Variants in ADK observed in about 807,000 individuals in gnomAD.
ADK encodes the protein adenosine kinase, also known as N6,N6-dimethyladenosine kinase.
Under a neutral mutation model 44.7 loss-of-function variants are expected in ADK, and 24 were observed. The observed-to-expected ratio is 0.54, with a 90% CI of 0.39 to 0.76. The LOEUF (loss-of-function observed/expected upper bound fraction) is 0.76, where lower values mean the gene tolerates loss of function less well. Ranked by LOEUF, ADK falls within the 30% of genes least tolerant of loss-of-function variation. The pLI, the probability that ADK is intolerant of heterozygous loss-of-function variation, is 0.00. For synonymous variants in ADK, 128 were observed against 142.6 expected (o/e 0.90, Z 0.73); for missense variants, 321 against 425.1 (o/e 0.76, Z 2.15).
chr10:74,249,870 A>T (rs1269310251), intron 3 of ADK, among the ~76,000 whole-genome samples: 3 of 152,306 alleles, frequency 2.0e-5, no homozygotes, highest in East Asian at 3.9e-4. Flanking sequence ...GTTTTATACT[A>T]TGTGTAAAGC....
chr10:74,277,868 A>G (rs1297642537), intron 3 of ADK, among the ~76,000 whole-genome samples: 4 of 152,164 alleles, frequency 2.6e-5, no homozygotes, highest in Non-Finnish European at 5.9e-5. Context: ...CCAGTACATG[A>G]CTACTTTTGT....
At chr10:74,489,725 G>C (rs1847406449) in intron 6 of ADK, among the ~76,000 whole-genome samples, 1 of 151,256 alleles carries the variant, frequency 6.6e-6, no homozygotes, top group South Asian at 2.1e-4. Flanking sequence ...CTCAACTTAA[G>C]TTCTGTACAA....
At chr10:74,459,945 ACTT>A (rs1321443531) in intron 6 of ADK, among the ~76,000 whole-genome samples, 1 of 152,020 alleles carries the variant, frequency 6.6e-6, no homozygotes, top group African/African-American at 2.4e-5. Context: ...GCCTGTGATC[ACTT>A]CTTTGTTTTT....
intron 1 of ADK, among the ~76,000 whole-genome samples, chr10:74,160,021 A>G (rs1197713206): frequency 6.6e-6 from 1 of 152,188 alleles, no homozygotes; most frequent in Non-Finnish European, 1.5e-5. Flanking sequence ...CCAAGCCAAA[A>G]TCTCATGAGT....
Position 74,396,959 on chromosome 10 carries a change from G to GA in ADK, c.447-1498dup, listed in dbSNP as rs79415702. On this transcript the variant is annotated intron_variant, in intron 5 of 10. Coordinates refer to ENST00000539909, the MANE Select transcript of ADK (RefSeq NM_006721.4). Reference sequence around the variant, plus strand: ...GGCAACAAGAACGAAACTTCATCTGGAAAAAAAAAAAAAAGAATACTTTTA... The same window carrying GA: ...GGCAACAAGAACGAAACTTCATCTGGAAAAAAAAAAAAAAAGAATACTTTTA... Among the ~76,000 whole-genome samples the GA allele has an allele frequency of 4.6e-3, 604 of 131,776 alleles. 4 individuals are homozygous for GA. Among genetic ancestry groups the GA allele is most frequent in the Admixed American group, 0.024 (316 of 13,140 alleles). The allele number at this position is 131,776 out of a possible 152,430, so 86.5% of individuals were successfully genotyped here.
chr10:74,173,292 A>G (rs912664754), intron 1 of ADK, among the ~76,000 whole-genome samples: 2 of 150,172 alleles, frequency 1.3e-5, no homozygotes, highest in Admixed American at 6.6e-5. Context: ...ATGGGGTTTC[A>G]CTGTGTTAGC....
chr10:74,429,463 A>AT (rs1411419936), intron 6 of ADK, among the ~76,000 whole-genome samples: 2 of 152,208 alleles, frequency 1.3e-5, no homozygotes, highest in African/African-American at 4.8e-5. Context: ...GGTTAGAATT[A>AT]TTTGCAGACA....
intron 2 of ADK, among the ~76,000 whole-genome samples, chr10:74,207,976 T>A (rs1843663801): frequency 6.6e-6 from 1 of 152,156 alleles, no homozygotes; most frequent in Non-Finnish European, 1.5e-5. Context: ...TTCCCATGCT[T>A]CTCTGCACCT....
intron 7 of ADK, among the ~76,000 whole-genome samples, chr10:74,567,026 C>G (rs1850695136): frequency 6.6e-6 from 1 of 152,046 alleles, no homozygotes; most frequent in South Asian, 2.1e-4. Context: ...TGTTATTAGC[C>G]TCTCATTTTT....
In ADK at chr10:74,706,074, A is replaced by C. The variant is rs532442294; in HGVS notation, c.965-2247A>C. 3.9e-5 allele frequency among the ~76,000 whole-genome samples: 6 copies of C among 152,248 alleles called. No individual in the cohort carries two copies. In the South Asian group the frequency reaches 1.2e-3, roughly 32 times the overall value. The stretch of plus-strand genomic sequence containing the variant: ...CTTAGCCAAGTGTGGTAACTTATAC[A>C]TGTAATCCCAGTGCTTTGGGAGGCC... On this transcript the variant is annotated intron_variant, in intron 10 of 10. Transcript: ENST00000539909.
At chr10:74,686,086 C>G (rs532445459) in intron 10 of ADK, among the ~76,000 whole-genome samples, 72 of 152,126 alleles carry the variant, frequency 4.7e-4, no homozygotes, top group Admixed American at 3.0e-3. Flanking sequence ...CTCAGCCTCC[C>G]GAGTAGCTGG....
intron 9 of ADK, among the ~76,000 whole-genome samples, chr10:74,629,040 T>C (rs1853320346): frequency 6.6e-6 from 1 of 152,020 alleles, no homozygotes; most frequent in Non-Finnish European, 1.5e-5. Flanking sequence ...TGCACCCTAC[T>C]CTTTTTTTTT....
At chr10:74,278,070 GA>G (rs1274168109) in intron 3 of ADK, among the ~76,000 whole-genome samples, 1 of 151,864 alleles carries the variant, frequency 6.6e-6, no homozygotes, top group Non-Finnish European at 1.5e-5. Flanking sequence ...AATCTACTGG[GA>G]GGGGTGGCGA....
At chr10:74,298,335 G>A (rs1839887199) in intron 3 of ADK, among the ~76,000 whole-genome samples, 1 of 152,182 alleles carries the variant, frequency 6.6e-6, no homozygotes, top group Non-Finnish European at 1.5e-5. Context: ...AGCAAAGCAA[G>A]GAGAGCTATT....
At position 74,456,666 on chromosome 10, in the gene ADK, CAAAAAAAA is replaced by C. The variant is rs71024510; in HGVS notation, c.555+58104_555+58111del. Among the ~76,000 whole-genome samples the C allele has an allele frequency of 3.0e-4, 19 of 63,108 alleles. 1 individual carries two copies. The highest frequency in any genetic ancestry group is 1.2e-3 in the African/African-American group (18 of 15,312). The allele number at this position is 63,108 out of a possible 152,430, so 41.4% of individuals were successfully genotyped here. ...TGGGCGACAGAGCGAGACTCCATCT[CAAAAAAAA>C]AAAAAAAAAAAAAAAACCTCACTGA... On this transcript the variant is annotated intron_variant, in intron 6 of 10. Coordinates refer to ENST00000539909, the MANE Select transcript of ADK (RefSeq NM_006721.4).
chr10:74,438,318 G>A (rs775446598), intron 6 of ADK, among the ~76,000 whole-genome samples: 3 of 150,710 alleles, frequency 2.0e-5, no homozygotes, highest in African/African-American at 4.9e-5. Context: ...TCCACCTCCC[G>A]AGTTCAAGCA....
chr10:74,456,743 T>C (rs185388598), intron 6 of ADK, among the ~76,000 whole-genome samples: 2 of 141,332 alleles, frequency 1.4e-5, no homozygotes, highest in Non-Finnish European at 3.1e-5. Context: ...AGGTAAATAA[T>C]GAAATTAAGA....
intron 4 of ADK, among the ~76,000 whole-genome samples, chr10:74,321,316 C>T (rs1375130304): frequency 6.6e-6 from 1 of 151,676 alleles, no homozygotes; most frequent in African/African-American, 2.4e-5. Context: ...CAGAGTCTTG[C>T]TCTGTCACCC....
chr10:74,552,694 C>A (rs1189698931), intron 7 of ADK, among the ~76,000 whole-genome samples: 2 of 151,000 alleles, frequency 1.3e-5, no homozygotes, highest in African/African-American at 2.4e-5. Flanking sequence ...ATGTATCTGA[C>A]AAATGATTGT....
Sources: allele counts gnomAD v4.1 joint callset (sites outside exome capture counted in the v4.1 genomes callset), GRCh38; gene constraint gnomAD v4.1.1; transcripts MANE v1.5; gene names NCBI Gene and HGNC (gene_info 2026-07-23, HGNC 2026-07-21).